SAMD12: variants seen among roughly 807,000 people sequenced by gnomAD.
SAMD12 encodes the protein sterile alpha motif domain containing 12.
A neutral mutation model predicts 15.0 loss-of-function variants in SAMD12; 9 were observed. The observed-to-expected ratio is 0.60, with a 90% CI of 0.36 to 1.05. SAMD12 has a LOEUF of 1.05. Ranked by LOEUF, SAMD12 falls within the 50% of genes least tolerant of loss-of-function variation. The pLI is 0.01. For missense variants in SAMD12, 230 were observed against 234.2 expected (o/e 0.98, Z 0.12); for synonymous variants, 86 against 90.1 (o/e 0.96, Z 0.25).
intron 3 of SAMD12, among the ~76,000 whole-genome samples, chr8:118,419,735 T>G (rs1263599422): frequency 6.6e-6 from 1 of 152,142 alleles, no homozygotes; most frequent in African/African-American, 2.4e-5. Flanking sequence ...TAAGTGGAAG[T>G]TTTAAGGTTA....
At chr8:118,296,912 A>G (rs550423781) in intron 4 of SAMD12, among the ~76,000 whole-genome samples, 1 of 152,322 alleles carries the variant, frequency 6.6e-6, no homozygotes, top group African/African-American at 2.4e-5. Flanking sequence ...CTAGGATACA[A>G]CAGTGTACAA....
intron 1 of SAMD12, among the ~76,000 whole-genome samples, chr8:118,601,544 A>G (rs1176442534): frequency 6.6e-6 from 1 of 152,210 alleles, no homozygotes; most frequent in African/African-American, 2.4e-5. Flanking sequence ...CAGACTGAGT[A>G]TCATAAGTTC....
At chr8:118,434,434 A>G (rs1675762544) in intron 3 of SAMD12, among the ~76,000 whole-genome samples, 1 of 152,194 alleles carries the variant, frequency 6.6e-6, no homozygotes, top group Non-Finnish European at 1.5e-5. Flanking sequence ...AAAATATTTT[A>G]TATTCTGGGG....
At position 118,425,042 on chromosome 8, in the gene SAMD12, T is replaced by C. The variant is rs528031470; in HGVS notation, c.322+14790A>G. ...CAAGCTCTGCCTCCTGGGTTCACGC[T>C]ATTCTCCTGCCTCAGCCTCCTGAGT... On this transcript the variant is annotated intron_variant, in intron 3 of 3. Transcript: ENST00000314727. Among the ~76,000 whole-genome samples, 148 of 151,570 alleles carry C rather than the reference T, an allele frequency of 9.8e-4. 1 individual carries two copies. Among genetic ancestry groups the C allele is most frequent in the African/African-American group, 3.5e-3 (143 of 41,332 alleles).
At chr8:118,501,745 G>C (rs992296705) in intron 2 of SAMD12, among the ~76,000 whole-genome samples, 15 of 152,186 alleles carry the variant, frequency 9.9e-5, no homozygotes, top group African/African-American at 3.6e-4. Context: ...GGCCGGGCGC[G>C]GTGGCTCATG....
At chr8:118,435,278 A>G (rs1387314243) in intron 3 of SAMD12, among the ~76,000 whole-genome samples, 2 of 152,102 alleles carry the variant, frequency 1.3e-5, no homozygotes, top group Admixed American at 1.3e-4. Context: ...TATTTACCTA[A>G]TTATTATTAT....
chr8:118,575,660 A>T (rs1404257058), intron 2 of SAMD12, among the ~76,000 whole-genome samples: 1 of 152,200 alleles, frequency 6.6e-6, no homozygotes, highest in Non-Finnish European at 1.5e-5. Flanking sequence ...AAATATAAGG[A>T]ACGCTCAAAG....
chr8:118,228,803 A>G (rs962508286), intron 4 of SAMD12, among the ~76,000 whole-genome samples: 112 of 152,178 alleles, frequency 7.4e-4, no homozygotes, highest in African/African-American at 2.6e-3. Context: ...ACCCAGAGGA[A>G]AAAAAGTCAT....
chr8:118,489,571 A>G (rs1476669141), intron 2 of SAMD12, among the ~76,000 whole-genome samples: 1 of 152,160 alleles, frequency 6.6e-6, no homozygotes, highest in Non-Finnish European at 1.5e-5. Flanking sequence ...CTCTAGAGAA[A>G]CCACCTTGAT....
intron 3 of SAMD12, among the ~76,000 whole-genome samples, chr8:118,437,305 TG>T (rs1264550706): frequency 6.6e-6 from 1 of 152,148 alleles, no homozygotes; most frequent in Non-Finnish European, 1.5e-5. Flanking sequence ...TTCAAATAGG[TG>T]AATGTCAAAA....
At chr8:118,460,943 T>C (rs1209758290) in intron 2 of SAMD12, among the ~76,000 whole-genome samples, 1 of 152,190 alleles carries the variant, frequency 6.6e-6, no homozygotes, top group Non-Finnish European at 1.5e-5. Flanking sequence ...CTCGGAACCA[T>C]TTCTCTAGCC....
intron 4 of SAMD12, among the ~76,000 whole-genome samples, chr8:118,345,829 G>GAC (rs1340078538): frequency 2.0e-5 from 3 of 152,216 alleles, no homozygotes; most frequent in Admixed American, 2.0e-4. Context: ...GACTGCAGGA[G>GAC]ACACAGTTCC....
chr8:118,367,989 G>C (rs1178095182), intron 4 of SAMD12, among the ~76,000 whole-genome samples: 1 of 152,158 alleles, frequency 6.6e-6, no homozygotes, highest in African/African-American at 2.4e-5. Flanking sequence ...TGCTAATCAG[G>C]ATATACATCT....
chr8:118,600,804 AT>A (rs994866317), intron 1 of SAMD12, among the ~76,000 whole-genome samples: 3 of 151,240 alleles, frequency 2.0e-5, no homozygotes, highest in Admixed American at 1.3e-4. Context: ...TTTAGATCTG[AT>A]TTTTTTTAAG....
At chr8:118,344,631 A>G (rs1817542080) in intron 4 of SAMD12, among the ~76,000 whole-genome samples, 1 of 152,230 alleles carries the variant, frequency 6.6e-6, no homozygotes, top group African/African-American at 2.4e-5. Context: ...CTCATGTAGA[A>G]TAGCACTAGC....
In SAMD12 at chr8:118,602,721, T is replaced by C. The variant is rs147801892; in HGVS notation, c.13+19083A>G. On this transcript the variant is annotated intron_variant, in intron 1 of 3. Coordinates refer to ENST00000314727, the MANE Select transcript of SAMD12 (RefSeq NM_207506.3). ...CCCCTAAATATAATCAGCCAACTCA[T>C]CTTACAATGAAGACCATGATCAACA... is the stretch of plus-strand genomic sequence containing the variant. 3.5e-3 allele frequency among the ~76,000 whole-genome samples: 536 copies of C among 152,314 alleles called. 4 individuals carry two copies. The highest frequency in any genetic ancestry group is 0.011 in the African/African-American group (457 of 41,578).
At chr8:118,197,759 G>A in intron 4 of SAMD12, 1 of 1,607,318 alleles carries the variant, frequency 6.2e-7, no homozygotes, top group South Asian at 1.1e-5. Flanking sequence ...GGGGAAATAT[G>A]GTAAGTTCTT....
At chr8:118,417,510 T>C (rs1264728875) in intron 3 of SAMD12, among the ~76,000 whole-genome samples, 3 of 152,216 alleles carry the variant, frequency 2.0e-5, no homozygotes, top group Admixed American at 2.0e-4. Context: ...TAATGAACAC[T>C]AATTTAAAGA....
the SAMD12 span, among the ~76,000 whole-genome samples, chr8:118,183,007 A>G: frequency 6.6e-6 from 1 of 152,210 alleles, no homozygotes; most frequent in Non-Finnish European, 1.5e-5. Flanking sequence ...AGTTTTTCGG[A>G]TACTCTTAGA....
Sources: gnomAD v4.1 joint callset for allele counts (sites outside exome capture counted in the v4.1 genomes callset) on GRCh38, gnomAD v4.1.1 for gene constraint, MANE v1.5 for transcripts, NCBI Gene and HGNC (gene_info 2026-07-23, HGNC 2026-07-21) for gene names.